Variants in MFSD2A observed in about 807,000 individuals in gnomAD.
MFSD2A encodes the protein MFSD2 lysolipid transporter A, lysophospholipid.
MFSD2A carries 27 observed loss-of-function variants against 64.7 expected under a neutral mutation model. That is an observed-to-expected ratio of 0.42 (90% confidence interval 0.31 to 0.58). The LOEUF is 0.58. MFSD2A is among the 20% of genes least tolerant of loss of function. The pLI, the probability that MFSD2A is intolerant of heterozygous loss-of-function variation, is 0.18. For missense variants in MFSD2A, 474 were observed against 679.5 expected (o/e 0.70, Z 3.36); for synonymous variants, 258 against 273.4 (o/e 0.94, Z 0.55).
At chr1:39,966,475 A>G (rs1013873848) in intron 6 of MFSD2A, 126 bp from the exon 7 acceptor site, 1 of 759,206 alleles carries the variant, frequency 1.3e-6, no homozygotes, top group African/African-American at 1.7e-5. Context: ...CATTTCACAC[A>G]TGGAGACAGT....
At chr1:39,967,598 C>T (rs776617099) in intron 9 of MFSD2A, 30 bp from the exon 10 acceptor site, 116 of 1,606,974 alleles carry the variant, frequency 7.2e-5, no homozygotes, top group Non-Finnish European at 9.7e-5. Context: ...TCTAAAGCAC[C>T]TCCCTTTAAC....
chr1:39,959,862 ACAGGCCACAC>A (rs1354272094), intron 3 of MFSD2A, among the ~76,000 whole-genome samples: 1 of 152,234 alleles, frequency 6.6e-6, no homozygotes. Flanking sequence ...GGTCCCTAGT[ACAGGCCACAC>A]CAGGGGAACT....
Position 39,958,236 on chromosome 1 carries a change from C to T in MFSD2A, c.229-465C>T, listed in dbSNP as rs1474021403. ...TAGTGACAAGTCCCTTTTTAAAAAGCATCTATAGGCTCCTTTTTCCACATC... is the reference window on the plus strand; with the variant it reads ...TAGTGACAAGTCCCTTTTTAAAAAGTATCTATAGGCTCCTTTTTCCACATC... On this transcript the variant is annotated intron_variant, in intron 2 of 13. Coordinates refer to ENST00000372811, the MANE Select transcript of MFSD2A (RefSeq NM_032793.5). This position sits in a 1 kb window ranked among gnomAD's most constrained non-coding sequence, Gnocchi z 4.7. Among the ~76,000 whole-genome samples, 2 of 151,984 alleles carry T rather than the reference C, an allele frequency of 1.3e-5. No individual in the cohort carries two copies. The highest frequency in any genetic ancestry group is 4.8e-5 in the African/African-American group (2 of 41,350).
In MFSD2A at chr1:39,968,836, C is replaced by T. The variant is rs2124783373; in HGVS notation, c.1529+91C>T. 9 of 1,368,650 alleles carry T rather than the reference C, an allele frequency of 6.6e-6. No homozygotes were observed. Among genetic ancestry groups the T allele is most frequent in the Non-Finnish European group, 9.1e-6 (9 of 992,698 alleles). 84.8% of individuals were successfully genotyped at this position (1,368,650 alleles called of 1,614,324 possible). A position where few individuals can be genotyped will look rare whatever the true frequency, so the allele number is the denominator to read the frequency against. On this transcript the variant is annotated intron_variant, in intron 13 of 13. Coordinates refer to ENST00000372811, the MANE Select transcript of MFSD2A (RefSeq NM_032793.5). The surrounding 1 kb of genome is among the most constrained non-coding windows in gnomAD (Gnocchi z 4.4). ...TCTCCTGTGGCCAAGTCCAGACTCA[C>T]CCCCCACACATCTTCTCTGGACAGC...
chr1:39,965,764 T>G lies in MFSD2A; in HGVS notation c.557-93T>G. On this transcript the variant is annotated intron_variant, in intron 5 of 13. Coordinates refer to ENST00000372811, the MANE Select transcript of MFSD2A (RefSeq NM_032793.5). The surrounding 1 kb of genome is among the most constrained non-coding windows in gnomAD (Gnocchi z 5.5). ...CCCCACTACCTCTACCCACCCTGCC[T>G]GGAGCTACCGCTGGGCTCCCACCCA... The G allele has an allele frequency of 2.0e-6, 3 of 1,523,372 alleles. No homozygotes were observed. Among genetic ancestry groups the G allele is most frequent in the Non-Finnish European group, 2.7e-6 (3 of 1,113,204 alleles). The allele number at this position is 1,523,372 out of a possible 1,614,324, so 94.4% of individuals were successfully genotyped here.
chr1:39,957,362 C>T (rs1644953197), intron 2 of MFSD2A, 141 bp downstream of exon 2: 2 of 851,220 alleles, frequency 2.3e-6, no homozygotes, highest in Non-Finnish European at 3.5e-6. Context: ...AGTCAGTGAG[C>T]AAGAAATGAG....
chr1:39,966,719 G>A, intron 7 of MFSD2A, 28 bp downstream of exon 7: 1 of 1,613,490 alleles, frequency 6.2e-7, no homozygotes. Flanking sequence ...AAGGGGTGCA[G>A]GCCTCAGCAT....
At position 39,958,802 on chromosome 1, in the gene MFSD2A, C is replaced by T. The variant is rs200376723; in HGVS notation, c.330C>T (p.Thr110=). 1 of 1,612,348 alleles carries T rather than the reference C, an allele frequency of 6.2e-7. No homozygotes were observed. The highest frequency in any genetic ancestry group is 1.7e-5 in the Admixed American group (1 of 59,818). ...TCTGCATCAGCAAATCCCCCTGGACCTGCCTGGGTCGCCTTATGCCCTGGT... is the reference window on the plus strand; with the variant it reads ...TCTGCATCAGCAAATCCCCCTGGACTTGCCTGGGTCGCCTTATGCCCTGGT... ...VGLCISKSPW[T]CLGRLMPWII... The change falls in exon 3 of 14, where the codon ACC becomes ACT. Residue 110 remains threonine, a synonymous_variant. Coordinates refer to ENST00000372811, the MANE Select transcript of MFSD2A (RefSeq NM_032793.5). This position sits in a 1 kb window ranked among gnomAD's most constrained non-coding sequence, Gnocchi z 4.7.
chr1:39,958,624 C>T lies in MFSD2A; in HGVS notation c.229-77C>T, dbSNP rs764763303. The T allele has an allele frequency of 5.0e-6, 8 of 1,613,424 alleles. No homozygotes were observed. The highest frequency in any genetic ancestry group is 5.9e-6 in the Non-Finnish European group (7 of 1,179,502). The stretch of plus-strand genomic sequence containing the variant: ...ATCCTGGCTGAGATAGGGAGGGAGC[C>T]TCTGCTTCTGCCTACCAGTGAGAGT... On this transcript the variant is annotated intron_variant, in intron 2 of 13. Transcript: ENST00000372811. The surrounding 1 kb of genome is among the most constrained non-coding windows in gnomAD (Gnocchi z 4.7).
In MFSD2A at chr1:39,960,989, CT is replaced by C. The variant is rs965366332; in HGVS notation, c.353+2169del. ...GACCTCCCTGTCCAAACTTTTTTTC[CT>C]TTTTGTGGTGAATGGGGTCTGGCTA... On this transcript the variant is annotated intron_variant, in intron 3 of 13. Coordinates refer to ENST00000372811, the MANE Select transcript of MFSD2A (RefSeq NM_032793.5). The surrounding 1 kb of genome is among the most constrained non-coding windows in gnomAD (Gnocchi z 4.8). Among the ~76,000 whole-genome samples, 5 of 152,008 alleles carry C rather than the reference CT, an allele frequency of 3.3e-5. No homozygotes were observed. The highest frequency in any genetic ancestry group is 7.4e-5 in the Non-Finnish European group (5 of 67,976).
chr1:39,966,147 A>G, intron 6 of MFSD2A, 133 bp downstream of exon 6: 2 of 1,004,058 alleles, frequency 2.0e-6, no homozygotes, highest in South Asian at 1.7e-5. Context: ...CAATTAATGC[A>G]CCCAATATAC....
At chr1:39,959,224 CTCTT>C (rs1295143497) in intron 3 of MFSD2A, among the ~76,000 whole-genome samples, 6 of 151,500 alleles carry the variant, frequency 4.0e-5, no homozygotes, top group South Asian at 2.1e-4. Context: ...ATCTTTCTTT[CTCTT>C]TCTTTCTTTC....
At chr1:39,956,259 TC>T (rs1644925556) in intron 1 of MFSD2A, among the ~76,000 whole-genome samples, 1 of 152,138 alleles carries the variant, frequency 6.6e-6, no homozygotes, top group Admixed American at 6.5e-5. Flanking sequence ...GTAGGACAGT[TC>T]CTGGGTCCGC....
At position 39,960,313 on chromosome 1, in the gene MFSD2A, C is replaced by T. The variant is rs1421048384; in HGVS notation, c.353+1488C>T. Among the ~76,000 whole-genome samples, 1 of 152,246 alleles carries T rather than the reference C, an allele frequency of 6.6e-6. No individual in the cohort carries two copies. Among genetic ancestry groups the T allele is most frequent in the Non-Finnish European group, 1.5e-5 (1 of 68,042 alleles). ...TGCCCCAGGGGCGCCCATACCTGGC[C>T]TCCGGCCTTCAAAGCTCTTCCCGCA... On this transcript the variant is annotated intron_variant, in intron 3 of 13. Transcript: ENST00000372811. The surrounding 1 kb of genome is among the most constrained non-coding windows in gnomAD (Gnocchi z 4.8).
At position 39,963,247 on chromosome 1, in the gene MFSD2A, G is replaced by T. The variant is rs1645084571; in HGVS notation, c.354-1964G>T. On this transcript the variant is annotated intron_variant, in intron 3 of 13. Coordinates refer to ENST00000372811, the MANE Select transcript of MFSD2A (RefSeq NM_032793.5). This position sits in a 1 kb window ranked among gnomAD's most constrained non-coding sequence, Gnocchi z 4.2. ...GCCCGGGGCTGCACTGCCACCCTGG[G>T]CAGCTTTGCCAAGGGCACCTTTGAT... The T allele has an allele frequency of 1.9e-6, 3 of 1,554,126 alleles. No individual in the cohort carries two copies. The highest frequency in any genetic ancestry group is 3.4e-5 in the Admixed American group (2 of 59,666).
chr1:39,966,842 C>A lies in MFSD2A; in HGVS notation c.837C>A (p.Ile279=). The A allele has an allele frequency of 6.2e-7, 1 of 1,614,078 alleles. No individual in the cohort carries two copies. Among genetic ancestry groups the A allele is most frequent in the South Asian group, 1.1e-5 (1 of 91,080 alleles). The change falls in exon 8 of 14, where the codon ATC becomes ATA. Residue 279 remains isoleucine (I), a synonymous_variant. Coordinates refer to ENST00000372811, the MANE Select transcript of MFSD2A (RefSeq NM_032793.5). ...ATGAAGCCCAGCAGTCTGAGCCAAT[C>A]GCCTACTTCCGGGGCCTACGGCTGG... The part of the protein sequence containing the change: ...EPYEAQQSEP[I]AYFRGLRLVM...
At chr1:39,969,388 C>G (rs2124784795) in intron 13 of MFSD2A, 117 bp from the exon 14 acceptor site, 1 of 792,654 alleles carries the variant, frequency 1.3e-6, no homozygotes, top group Middle Eastern at 2.4e-4. Flanking sequence ...ACTCTGTGTC[C>G]CGCGGTTCAC....
At chr1:39,967,364 A>C in intron 9 of MFSD2A, 195 bp downstream of exon 9, 1 of 636,160 alleles carries the variant, frequency 1.6e-6, no homozygotes, top group Non-Finnish European at 2.7e-6. Flanking sequence ...TAGATGTTTG[A>C]GTAGTGAGCA....
chr1:39,959,550 G>C (rs1644992131), intron 3 of MFSD2A, among the ~76,000 whole-genome samples: 2 of 152,126 alleles, frequency 1.3e-5, no homozygotes, highest in South Asian at 4.1e-4. Flanking sequence ...ACCATGCCCG[G>C]CCCCTGTCTG....
Sources: allele counts gnomAD v4.1 joint callset (sites outside exome capture counted in the v4.1 genomes callset), GRCh38; gene constraint gnomAD v4.1.1; non-coding constraint Gnocchi (gnomAD v3.1); transcripts MANE v1.5; gene names NCBI Gene and HGNC (gene_info 2026-07-23, HGNC 2026-07-21).